The following GLCE variants were observed in gnomAD, a reference collection of about 807,000 sequenced individuals.
GLCE encodes D-glucuronyl C5-epimerase.
Under a neutral mutation model 47.9 loss-of-function variants are expected in GLCE, and 19 were observed. The ratio of observed to expected loss-of-function variants is 0.40; its 90% CI spans 0.28 to 0.58. The LOEUF (loss-of-function observed/expected upper bound fraction) is 0.58, where lower values mean the gene tolerates loss of function less well. GLCE is among the 20% of genes least tolerant of loss of function. The probability of loss-of-function intolerance (pLI) is 0.48; values close to 1 mark genes in which losing one functional copy is unlikely to be tolerated. For synonymous variants in GLCE, 245 were observed against 263.4 expected (o/e 0.93, Z 0.68); for missense variants, 556 against 743.3 (o/e 0.75, Z 2.93).
chr15:69,247,950 GA>G (rs1168229675), intron 2 of GLCE, among the ~76,000 whole-genome samples: 2 of 152,130 alleles, frequency 1.3e-5, no homozygotes, highest in Admixed American at 1.3e-4. Flanking sequence ...ATATAATTAT[GA>G]GAAAATATTA....
intron 4 of GLCE, among the ~76,000 whole-genome samples, chr15:69,265,535 G>T (rs2053073232): frequency 6.6e-6 from 1 of 152,164 alleles, no homozygotes; most frequent in Non-Finnish European, 1.5e-5. Context: ...ACTTCTCCTA[G>T]ATGACTCAGT....
intron 1 of GLCE, among the ~76,000 whole-genome samples, chr15:69,162,845 A>G (rs978753857): frequency 2.6e-5 from 4 of 152,178 alleles, no homozygotes; most frequent in Non-Finnish European, 5.9e-5. Flanking sequence ...TCAGCTTCCC[A>G]AAGTACTGGG....
At position 69,170,764 on chromosome 15, in the gene GLCE, C is replaced by T. The variant is rs555932070; in HGVS notation, c.-105+10007C>T. Among the ~76,000 whole-genome samples the T allele has an allele frequency of 5.3e-5, 8 of 152,140 alleles. No individual in the cohort carries two copies. The South Asian group carries it at 8.3e-4, about 16-fold the overall frequency. ...AAAAGCAGGGTCTGGCAGTATTTGG[C>T]GGTAATTTTCTGTAAGACAAGTGGC... On this transcript the variant is annotated intron_variant, in intron 1 of 4. Coordinates refer to ENST00000261858, the MANE Select transcript of GLCE (RefSeq NM_015554.3).
intron 1 of GLCE, among the ~76,000 whole-genome samples, chr15:69,209,640 A>G (rs1595756627): frequency 1.3e-5 from 2 of 152,228 alleles, no homozygotes; most frequent in East Asian, 3.9e-4. Context: ...CCAGGAGTTC[A>G]TAAAACAACT....
intron 2 of GLCE, among the ~76,000 whole-genome samples, chr15:69,222,250 A>G (rs534834420): frequency 5.3e-5 from 8 of 152,296 alleles, no homozygotes; most frequent in Non-Finnish European, 8.8e-5. Context: ...GTATGGCAGC[A>G]CGGGTCCATG....
chr15:69,189,933 A>G (rs2051888641), intron 1 of GLCE, among the ~76,000 whole-genome samples: 1 of 151,994 alleles, frequency 6.6e-6, no homozygotes, highest in African/African-American at 2.4e-5. Context: ...TATTAAGCCT[A>G]GCACCCTTTA....
chr15:69,163,136 C>T (rs937500386), intron 1 of GLCE, among the ~76,000 whole-genome samples: 1 of 152,130 alleles, frequency 6.6e-6, no homozygotes, highest in African/African-American at 2.4e-5. Context: ...GGAATGACAG[C>T]CCCCAAACCT....
intron 2 of GLCE, among the ~76,000 whole-genome samples, chr15:69,232,680 A>C (rs1261892662): frequency 1.3e-5 from 2 of 152,210 alleles, no homozygotes; most frequent in African/African-American, 4.8e-5. Context: ...GGGAAAAAAT[A>C]AGTGTTTAGA....
At chr15:69,175,538 G>A (rs1192480088) in intron 1 of GLCE, among the ~76,000 whole-genome samples, 1 of 152,172 alleles carries the variant, frequency 6.6e-6, no homozygotes, top group Non-Finnish European at 1.5e-5. Flanking sequence ...TGTTTAAGAA[G>A]TATGTCTGTG....
At chr15:69,200,852 C>G (rs1298607030) in intron 1 of GLCE, among the ~76,000 whole-genome samples, 1 of 152,130 alleles carries the variant, frequency 6.6e-6, no homozygotes, top group African/African-American at 2.4e-5. Context: ...ATAAAAATTT[C>G]AGCATGGCCA....
At chr15:69,190,205 T>C (rs1373395727) in intron 1 of GLCE, among the ~76,000 whole-genome samples, 1 of 152,154 alleles carries the variant, frequency 6.6e-6, no homozygotes, top group Non-Finnish European at 1.5e-5. Flanking sequence ...GTTTTATGGC[T>C]CAGAATATAG....
chr15:69,227,446 A>C (rs926829420), intron 2 of GLCE, among the ~76,000 whole-genome samples: 2 of 152,208 alleles, frequency 1.3e-5, no homozygotes, highest in African/African-American at 4.8e-5. Context: ...CTTTCTAAGT[A>C]TGCACAAAAA....
At chr15:69,228,842 A>C (rs1322213649) in intron 2 of GLCE, among the ~76,000 whole-genome samples, 1 of 152,048 alleles carries the variant, frequency 6.6e-6, no homozygotes, top group Non-Finnish European at 1.5e-5. Flanking sequence ...GCATGCCACC[A>C]CACCTAGCTA....
intron 1 of GLCE, among the ~76,000 whole-genome samples, chr15:69,178,588 T>G (rs944651188): frequency 3.9e-5 from 6 of 152,096 alleles, no homozygotes; most frequent in Non-Finnish European, 7.4e-5. Flanking sequence ...TTTATTTTTA[T>G]TATTATTCAA....
chr15:69,171,242 ATAG>A (rs1378918834), intron 1 of GLCE, among the ~76,000 whole-genome samples: 2 of 152,170 alleles, frequency 1.3e-5, no homozygotes, highest in African/African-American at 4.8e-5. Context: ...ATGATAATAT[ATAG>A]TAGTAATTTG....
intron 4 of GLCE, among the ~76,000 whole-genome samples, chr15:69,261,596 C>T (rs909375431): frequency 6.6e-6 from 1 of 152,170 alleles, no homozygotes; most frequent in African/African-American, 2.4e-5. Flanking sequence ...GTGTACCTGC[C>T]TCCAGGGGTC....
chr15:69,171,636 TC>T (rs1259198923), intron 1 of GLCE, among the ~76,000 whole-genome samples: 1 of 152,092 alleles, frequency 6.6e-6, no homozygotes, highest in Non-Finnish European at 1.5e-5. Context: ...GACCTTGTGA[TC>T]CACCCACCTT....
intron 1 of GLCE, among the ~76,000 whole-genome samples, chr15:69,206,958 A>G (rs533409566): frequency 2.0e-4 from 30 of 152,174 alleles, no homozygotes; most frequent in Non-Finnish European, 2.2e-4. Flanking sequence ...TGCTGTATAT[A>G]TATTATATGT....
At chr15:69,254,083 A>G (rs1009489281) in intron 2 of GLCE, among the ~76,000 whole-genome samples, 5 of 152,172 alleles carry the variant, frequency 3.3e-5, no homozygotes, top group African/African-American at 2.4e-5. Context: ...TTTTTTTAAT[A>G]TATCATTGCT....
Sources: allele counts gnomAD v4.1 joint callset (sites outside exome capture counted in the v4.1 genomes callset), GRCh38; gene constraint gnomAD v4.1.1; transcripts MANE v1.5; gene names NCBI Gene and HGNC (gene_info 2026-07-23, HGNC 2026-07-21).